The following RALYL variants were observed in gnomAD, a reference collection of about 807,000 sequenced individuals.
RALYL encodes RALY RNA binding protein like.
Under a neutral mutation model 35.1 loss-of-function variants are expected in RALYL, and 29 were observed. The observed-to-expected ratio is 0.83, with a 90% CI of 0.61 to 1.13. RALYL has a LOEUF of 1.13. Among genes scored for constraint, RALYL ranks in the 50% most tolerant of loss-of-function variants. RALYL has a pLI of 0.00. For missense variants in RALYL, 359 were observed against 360.4 expected (o/e 1.00, Z 0.03); for synonymous variants, 120 against 127.6 (o/e 0.94, Z 0.40).
In RALYL at chr8:84,208,719, G is replaced by A. The variant is rs150929676; in HGVS notation, c.-24+24295G>A. Among the ~76,000 whole-genome samples the A allele has an allele frequency of 5.2e-3, 787 of 152,214 alleles. 12 individuals are homozygous for A. The highest frequency in any genetic ancestry group is 0.02 in the Middle Eastern group (6 of 294). ...AATTTTTTACCCTAATTAATAAAAT[G>A]ATTGACAGAACCACTTAGGCTAGTG... On this transcript the variant is annotated intron_variant, in intron 1 of 8. Coordinates refer to ENST00000521268, the MANE Select transcript of RALYL (RefSeq NM_173848.7).
At position 84,339,760 on chromosome 8, in the gene RALYL, G is replaced by T. The variant is rs73294906; in HGVS notation, c.-24+155336G>T. Among the ~76,000 whole-genome samples the T allele has an allele frequency of 2.1e-4, 32 of 152,022 alleles. No individual in the cohort carries two copies. The South Asian group carries it at 4.6e-3, about 22-fold the overall frequency. On this transcript the variant is annotated intron_variant, in intron 1 of 8. Transcript: ENST00000521268. ...GCATAGGGATGTGACAGAAAAATTT[G>T]CAGTAAGCTGAAATCGACCTATGCC...
At chr8:84,213,471 A>G (rs552611387) in intron 1 of RALYL, among the ~76,000 whole-genome samples, 33 of 152,338 alleles carry the variant, frequency 2.2e-4, no homozygotes, top group African/African-American at 7.9e-4. Context: ...TGCAAATAGT[A>G]AAAGTTTGTT....
rs147755564 is a variant in RALYL at position 84,257,345 on chromosome 8, T to C, written c.-24+72921T>C. 5.2e-3 allele frequency among the ~76,000 whole-genome samples: 798 copies of C among 152,190 alleles called. 11 individuals are homozygous for C. The highest frequency in any genetic ancestry group is 0.018 in the African/African-American group (747 of 41,540). On this transcript the variant is annotated intron_variant, in intron 1 of 8. Transcript: ENST00000521268. ...TTAGGTCACAGATTATTGAATCTTA[T>C]AATTACAGAAGAAAATTTATGCAGG...
intron 2 of RALYL, among the ~76,000 whole-genome samples, chr8:84,569,030 G>A (rs1807226644): frequency 2.0e-5 from 3 of 149,100 alleles, no homozygotes; most frequent in South Asian, 4.2e-4. Flanking sequence ...TTCTTTTGCT[G>A]TGCAGAAGCT....
chr8:84,375,907 CA>C (rs1453460190), intron 1 of RALYL, among the ~76,000 whole-genome samples: 3 of 151,714 alleles, frequency 2.0e-5, no homozygotes, highest in Admixed American at 6.6e-5. Flanking sequence ...TAAAAATCTC[CA>C]AAAAAGACTG....
At chr8:84,617,515 G>A (rs1167642477) in intron 2 of RALYL, among the ~76,000 whole-genome samples, 2 of 150,032 alleles carry the variant, frequency 1.3e-5, no homozygotes, top group Admixed American at 6.6e-5. Context: ...GGTTTTCTAG[G>A]TATACAATCA....
At chr8:84,360,010 C>G (rs1297589156) in intron 1 of RALYL, among the ~76,000 whole-genome samples, 6 of 151,678 alleles carry the variant, frequency 4.0e-5, no homozygotes, top group Non-Finnish European at 7.4e-5. Flanking sequence ...GTAGCTAGAA[C>G]TACAGGCATG....
In RALYL at chr8:84,220,061, C is replaced by T. The variant is rs188660669; in HGVS notation, c.-24+35637C>T. 1.3e-4 allele frequency among the ~76,000 whole-genome samples: 20 copies of T among 152,106 alleles called. No individual in the cohort carries two copies. The East Asian group carries it at 3.9e-3, about 30-fold the overall frequency. ...ATGAATGTTCTACTAGGGTACTCAG[C>T]AAAGTTTTGCCATCCTGAGTTGCGT... On this transcript the variant is annotated intron_variant, in intron 1 of 8. Coordinates refer to ENST00000521268, the MANE Select transcript of RALYL (RefSeq NM_173848.7).
chr8:84,233,247 A>T (rs374538254), intron 1 of RALYL, among the ~76,000 whole-genome samples: 10 of 152,174 alleles, frequency 6.6e-5, no homozygotes, highest in African/African-American at 2.4e-4. Flanking sequence ...GGGCTCCCAA[A>T]GCTCTGGGAT....
At chr8:84,707,554 T>G (rs1841437149) in intron 2 of RALYL, among the ~76,000 whole-genome samples, 2 of 152,042 alleles carry the variant, frequency 1.3e-5, no homozygotes, top group South Asian at 4.1e-4. Context: ...CAGGAAGAAA[T>G]TGTGAATTAC....
At chr8:84,867,554 G>C (rs1839393681) in intron 6 of RALYL, among the ~76,000 whole-genome samples, 1 of 152,060 alleles carries the variant, frequency 6.6e-6, no homozygotes, top group Non-Finnish European at 1.5e-5. Flanking sequence ...TGAAACAAGG[G>C]GACAAATTCT....
intron 4 of RALYL, among the ~76,000 whole-genome samples, chr8:84,832,550 C>T (rs757276010): frequency 3.3e-5 from 5 of 151,910 alleles, no homozygotes; most frequent in South Asian, 2.1e-4. Flanking sequence ...TTTTTGACTT[C>T]GCATCAGTTT....
intron 8 of RALYL, among the ~76,000 whole-genome samples, chr8:84,907,940 C>T (rs1349771346): frequency 6.6e-6 from 1 of 152,082 alleles, no homozygotes; most frequent in Non-Finnish European, 1.5e-5. Flanking sequence ...CTCAATCTCT[C>T]TTTCTCCCAT....
chr8:84,715,389 G>A (rs760894335), intron 2 of RALYL, among the ~76,000 whole-genome samples: 4 of 151,642 alleles, frequency 2.6e-5, no homozygotes, highest in Admixed American at 2.6e-4. Flanking sequence ...TAGGAAATTG[G>A]ACACCCAAAA....
chr8:84,696,987 A>G (rs1364818158), intron 2 of RALYL, among the ~76,000 whole-genome samples: 1 of 152,064 alleles, frequency 6.6e-6, no homozygotes, highest in Non-Finnish European at 1.5e-5. Context: ...CTGAAAATTC[A>G]TTCTATTCAA....
intron 1 of RALYL, 21 bp downstream of exon 1, chr8:84,184,445 C>G (rs1811947749): frequency 6.5e-6 from 1 of 152,962 alleles, no homozygotes; most frequent in Admixed American, 6.5e-5. Flanking sequence ...CCCTTGGAGG[C>G]GTTTCCCGGG....
intron 1 of RALYL, among the ~76,000 whole-genome samples, chr8:84,486,622 A>G (rs2054656428): frequency 6.6e-6 from 1 of 152,038 alleles, no homozygotes; most frequent in Non-Finnish European, 1.5e-5. Context: ...GATACACAAA[A>G]TTAGAAAAAC....
chr8:84,308,871 G>T (rs140391643), intron 1 of RALYL, among the ~76,000 whole-genome samples: 1 of 151,778 alleles, frequency 6.6e-6, no homozygotes, highest in African/African-American at 2.4e-5. Context: ...CTAAAATAAG[G>T]CATTCTTATA....
intron 1 of RALYL, among the ~76,000 whole-genome samples, chr8:84,362,009 G>A (rs977927383): frequency 6.6e-6 from 1 of 152,126 alleles, no homozygotes. Context: ...CCAGGTTGCT[G>A]TATTTCAAAA....
Sources: gnomAD v4.1 joint callset for allele counts (sites outside exome capture counted in the v4.1 genomes callset) on GRCh38, gnomAD v4.1.1 for gene constraint, MANE v1.5 for transcripts, NCBI Gene and HGNC (gene_info 2026-07-23, HGNC 2026-07-21) for gene names.